DMXL1: variants seen among roughly 807,000 people sequenced by gnomAD.
The protein encoded by DMXL1 is dmX-like protein 1.
A neutral mutation model predicts 319.2 loss-of-function variants in DMXL1; 99 were observed. The ratio of observed to expected loss-of-function variants is 0.31; its 90% confidence interval spans 0.26 to 0.37. The LOEUF (loss-of-function observed/expected upper bound fraction) is 0.37. Among genes scored for constraint, DMXL1 ranks in the 10% least tolerant of loss-of-function variants. The pLI is 1.00. For synonymous variants in DMXL1, 1,385 were observed against 1,235.2 expected (o/e 1.12, Z -2.54); for missense variants, 3,745 against 3,595.6 (o/e 1.04, Z -1.06).
intron 33 of DMXL1, among the ~76,000 whole-genome samples, chr5:119,205,498 A>G (rs1464506674): frequency 6.6e-6 from 1 of 152,124 alleles, no homozygotes; most frequent in Admixed American, 6.5e-5. Context: ...CAGTTTTGTG[A>G]CTATCAGTAA....
rs1774481231 is a variant in DMXL1, at chr5:119,171,250, A to G, written c.6459A>G (p.Glu2153=). Residue 2153 remains glutamate, a synonymous_variant, in exon 24 of 44, where the codon GAA becomes GAG. Transcript: ENST00000539542. ...GGGGTCTTGCATCTGTAAGAATGGA[A>G]TTGATTTTGCTTTTGCAAGAATCTC... is the stretch of plus-strand genomic sequence containing the variant. ...HGGGLASVRM[E]LILLLQESQQ... is the part of the protein sequence containing the mutation. 7 of 1,600,872 alleles carry G rather than the reference A, an allele frequency of 4.4e-6. No homozygotes were observed. The highest frequency in any genetic ancestry group is 1.3e-5 in the African/African-American group (1 of 74,542).
chr5:119,165,418 GA>G (rs754857126), intron 21 of DMXL1, 138 bp downstream of exon 21: 24 of 534,318 alleles, frequency 4.5e-5, no homozygotes, highest in Middle Eastern at 5.0e-4. Flanking sequence ...TTAAAAGAGA[GA>G]TTTCGTAAGG....
chr5:119,111,679 C>G (rs1030149169), intron 5 of DMXL1, among the ~76,000 whole-genome samples: 3 of 152,096 alleles, frequency 2.0e-5, no homozygotes. Context: ...GGAAGAAACA[C>G]AAACATGAGG....
chr5:119,131,545 G>T (rs1764902953), intron 10 of DMXL1, among the ~76,000 whole-genome samples: 1 of 152,156 alleles, frequency 6.6e-6, no homozygotes, highest in South Asian at 2.1e-4. Context: ...CTCAAATAAT[G>T]TATTTTAAAA....
chr5:119,073,237 A>AT (rs1201156326), intron 1 of DMXL1, among the ~76,000 whole-genome samples: 3 of 151,994 alleles, frequency 2.0e-5, no homozygotes, highest in Non-Finnish European at 4.4e-5. Context: ...TAAGTTTTCT[A>AT]TTTTTTGTAG....
intron 13 of DMXL1, 29 bp downstream of exon 13, chr5:119,134,418 G>A (rs1391105761): frequency 6.4e-6 from 10 of 1,552,336 alleles, no homozygotes; most frequent in Middle Eastern, 2.0e-4. Context: ...AACAGCTTAA[G>A]TATATAATAT....
Position 119,150,322 on chromosome 5 carries a change from C to G in DMXL1, c.4495C>G (p.Pro1499Ala), listed in dbSNP as rs779228892. The G allele has an allele frequency of 4.3e-6, 7 of 1,613,662 alleles. No individual in the cohort carries two copies. The highest frequency in any genetic ancestry group is 5.9e-6 in the Non-Finnish European group (7 of 1,179,842). Residue 1499 changes from proline (P) to alanine (A), a missense_variant, in exon 18 of 44, where the codon CCA (proline) becomes GCA (alanine). By Grantham distance (27) the Pro-to-Ala change is conservative. Coordinates refer to ENST00000539542, the MANE Select transcript of DMXL1 (RefSeq NM_001290321.3). ...TGGCCACTTACTTCATTCTAGTTTA[C>G]CAGGACTCAGCCGGATGGAGCAGAT... Reference protein sequence around the residue: ...LSGHLLHSSLPGLSRMEQMSL... With the variant: ...LSGHLLHSSLAGLSRMEQMSL...
intron 32 of DMXL1, among the ~76,000 whole-genome samples, chr5:119,201,254 C>T (rs1004788779): frequency 3.3e-5 from 5 of 151,998 alleles, no homozygotes; most frequent in African/African-American, 1.2e-4. Context: ...CAATACCTAG[C>T]TTATTGAGAG....
chr5:119,123,402 A>C (rs1428922339), intron 9 of DMXL1, among the ~76,000 whole-genome samples: 1 of 34,176 alleles, frequency 2.9e-5, no homozygotes. Flanking sequence ...GAGGAGGGGG[A>C]GGGAGAGGGA....
intron 32 of DMXL1, 115 bp downstream of exon 32, chr5:119,198,071 C>G (rs1259714736): frequency 2.1e-6 from 2 of 947,194 alleles, no homozygotes; most frequent in Non-Finnish European, 3.2e-6. Flanking sequence ...TCACTGCAGC[C>G]TCTGCCTCCT....
chr5:119,085,748 G>A (rs746732211), intron 1 of DMXL1, among the ~76,000 whole-genome samples: 1 of 151,974 alleles, frequency 6.6e-6, no homozygotes, highest in Non-Finnish European at 1.5e-5. Context: ...GGTGAAAGTC[G>A]GCATTCTTGT....
intron 34 of DMXL1, 55 bp from the exon 35 acceptor site, chr5:119,216,846 A>G: frequency 3.3e-6 from 3 of 897,442 alleles, no homozygotes. Flanking sequence ...GGCATATATT[A>G]TTAGTTCTAT....
chr5:119,148,238 C>G (rs570564623), intron 17 of DMXL1, among the ~76,000 whole-genome samples: 82 of 152,040 alleles, frequency 5.4e-4, no homozygotes, highest in African/African-American at 1.9e-3. Context: ...TAAACATAGG[C>G]CATTCACATT....
chr5:119,122,265 C>T (rs1218227164), intron 9 of DMXL1, among the ~76,000 whole-genome samples: 25 of 126,388 alleles, frequency 2.0e-4, no homozygotes, highest in African/African-American at 6.0e-4. Context: ...GGCGGGGGGC[C>T]GACCACCCCA....
chr5:119,082,256 C>G lies in DMXL1; in HGVS notation c.87+10600C>G, dbSNP rs1752418964. 2.0e-5 allele frequency among the ~76,000 whole-genome samples: 3 copies of G among 152,098 alleles called. No individual in the cohort carries two copies. In the South Asian group the frequency reaches 6.2e-4, roughly 32 times the overall value. The stretch of plus-strand genomic sequence containing the variant: ...CCTCTTGAGTAGCTGGGACTACAGA[C>G]ATGTGCCACCATGCCTGGCTTATTT... On this transcript the variant is annotated intron_variant, in intron 1 of 43. Transcript: ENST00000539542.
At chr5:119,157,668 C>T (rs953096800) in intron 19 of DMXL1, among the ~76,000 whole-genome samples, 5 of 152,054 alleles carry the variant, frequency 3.3e-5, no homozygotes, top group Admixed American at 2.0e-4. Flanking sequence ...CTATTCTGTT[C>T]CATTGGTCTG....
intron 5 of DMXL1, among the ~76,000 whole-genome samples, chr5:119,110,553 A>G (rs921372201): frequency 1.3e-5 from 2 of 152,226 alleles, no homozygotes; most frequent in East Asian, 3.8e-4. Context: ...ATGAAAAGAT[A>G]GATGACTTTC....
At chr5:119,180,442 C>A (rs1358618517) in intron 28 of DMXL1, among the ~76,000 whole-genome samples, 1 of 152,116 alleles carries the variant, frequency 6.6e-6, no homozygotes, top group Non-Finnish European at 1.5e-5. Flanking sequence ...CCACCTACCA[C>A]ACTTTGCTTA....
intron 28 of DMXL1, chr5:119,178,714 C>A: frequency 1.1e-6 from 1 of 929,930 alleles, no homozygotes; most frequent in Non-Finnish European, 1.3e-6. Context: ...TAGAAATAGG[C>A]TTTTATCATT....
Sources: gnomAD v4.1 joint callset for allele counts (sites outside exome capture counted in the v4.1 genomes callset) on GRCh38, gnomAD v4.1.1 for gene constraint, MANE v1.5 for transcripts, NCBI Gene and HGNC (gene_info 2026-07-23, HGNC 2026-07-21) for gene names.